The following ANKRD11 variants were observed in gnomAD, a reference collection of about 807,000 sequenced individuals.
ANKRD11 encodes ankyrin repeat domain 11.
ANKRD11 carries 17 observed loss-of-function variants against 195.7 expected under a neutral mutation model. The ratio of observed to expected loss-of-function variants is 0.09; its 90% CI spans 0.06 to 0.13. ANKRD11 has a LOEUF of 0.13. ANKRD11 is among the 10% of genes least tolerant of loss of function. The pLI is 1.00. For synonymous variants in ANKRD11, 1,953 were observed against 1,528.1 expected, an observed-to-expected ratio of 1.28 and a Z score of -6.49; for missense variants, 3,735 against 3,566.1, an observed-to-expected ratio of 1.05 and a Z score of -1.21.
chr16:89,481,884 T>C (rs2057455960), intron 1 of ANKRD11, among the ~76,000 whole-genome samples: 1 of 151,896 alleles, frequency 6.6e-6, no homozygotes, highest in Non-Finnish European at 1.5e-5. Flanking sequence ...GACATTCTAC[T>C]GATTCTTTTT....
chr16:89,304,524 GCA>G (rs200751467), intron 4 of ANKRD11, among the ~76,000 whole-genome samples: 2,735 of 148,952 alleles, frequency 0.018, 32 homozygotes, highest in Middle Eastern at 0.065. Flanking sequence ...ACACATACAG[GCA>G]CACACATGGG....
intron 2 of ANKRD11, among the ~76,000 whole-genome samples, chr16:89,374,203 A>G (rs1414878118): frequency 4.6e-5 from 7 of 152,210 alleles, no homozygotes; most frequent in Non-Finnish European, 1.0e-4. Context: ...CATTAATATC[A>G]GACTTCAAAG....
At chr16:89,336,475 G>A (rs564100525) in intron 2 of ANKRD11, among the ~76,000 whole-genome samples, 1 of 152,234 alleles carries the variant, frequency 6.6e-6, no homozygotes, top group Non-Finnish European at 1.5e-5. Flanking sequence ...GGGGCCAGAC[G>A]GAGTCCAGGA....
At chr16:89,314,741 G>A (rs570932948) in intron 3 of ANKRD11, among the ~76,000 whole-genome samples, 12 of 152,296 alleles carry the variant, frequency 7.9e-5, no homozygotes, top group African/African-American at 2.6e-4. Context: ...ACAGAGAACA[G>A]GAGTGACAGG....
intron 9 of ANKRD11, among the ~76,000 whole-genome samples, chr16:89,276,850 G>A (rs2033697974): frequency 6.6e-6 from 1 of 152,184 alleles, no homozygotes; most frequent in South Asian, 2.1e-4. Context: ...AAGGTCAGGA[G>A]TTTGAGACCA....
At chr16:89,367,720 C>A (rs1458593386) in intron 2 of ANKRD11, among the ~76,000 whole-genome samples, 1 of 152,050 alleles carries the variant, frequency 6.6e-6, no homozygotes, top group Non-Finnish European at 1.5e-5. Context: ...GTGAGTACAG[C>A]TCCACGCATC....
At chr16:89,463,997 G>A (rs2056793996) in intron 1 of ANKRD11, among the ~76,000 whole-genome samples, 1 of 152,200 alleles carries the variant, frequency 6.6e-6, no homozygotes, top group East Asian at 1.9e-4. Flanking sequence ...CCAACATTTT[G>A]GGAGGGTGAG....
chr16:89,424,473 C>G (rs1049893859), intron 1 of ANKRD11, among the ~76,000 whole-genome samples: 5 of 151,454 alleles, frequency 3.3e-5, no homozygotes, highest in African/African-American at 1.2e-4. Context: ...AGAAAAAAGT[C>G]TCATTTCTGC....
At chr16:89,404,519 T>G (rs573167975) in intron 2 of ANKRD11, among the ~76,000 whole-genome samples, 3 of 152,306 alleles carry the variant, frequency 2.0e-5, no homozygotes, top group African/African-American at 7.2e-5. Context: ...GCCAACAGTT[T>G]GAAGGGTATG....
At chr16:89,286,714 C>T in intron 7 of ANKRD11, 3 of 1,267,178 alleles carry the variant, frequency 2.4e-6, no homozygotes, top group Non-Finnish European at 3.1e-6. Context: ...AATAATCTCT[C>T]CCTTGCTTGA....
chr16:89,475,639 C>T (rs2057231476), intron 1 of ANKRD11, among the ~76,000 whole-genome samples: 1 of 152,132 alleles, frequency 6.6e-6, no homozygotes, highest in African/African-American at 2.4e-5. Flanking sequence ...AGTCTGAAAA[C>T]AGTACTACAG....
chr16:89,412,921 G>A (rs978498125), intron 2 of ANKRD11, among the ~76,000 whole-genome samples: 1 of 152,188 alleles, frequency 6.6e-6, no homozygotes, highest in African/African-American at 2.4e-5. Flanking sequence ...CAGGTCAGCA[G>A]AGGTCCCAGC....
At chr16:89,357,774 G>A (rs1406773894) in intron 2 of ANKRD11, among the ~76,000 whole-genome samples, 1 of 152,218 alleles carries the variant, frequency 6.6e-6, no homozygotes, top group Non-Finnish European at 1.5e-5. Context: ...CCTGAGGGAG[G>A]AGTCTGGGAG....
intron 1 of ANKRD11, among the ~76,000 whole-genome samples, chr16:89,479,407 C>T (rs1274634402): frequency 1.7e-4 from 26 of 148,680 alleles, no homozygotes; most frequent in Admixed American, 1.5e-3. Context: ...CCGAGGCAGG[C>T]GGATCATCTG....
intron 9 of ANKRD11, among the ~76,000 whole-genome samples, chr16:89,277,106 C>G (rs950105696): frequency 7.9e-5 from 12 of 152,054 alleles, no homozygotes; most frequent in African/African-American, 2.9e-4. Context: ...CTCTAGTCCA[C>G]AGACCTCACT....
intron 1 of ANKRD11, among the ~76,000 whole-genome samples, chr16:89,483,260 T>G (rs2057501436): frequency 6.6e-6 from 1 of 152,246 alleles, no homozygotes; most frequent in African/African-American, 2.4e-5. Context: ...ACCGTACCAT[T>G]AGCTTCTACT....
intron 11 of ANKRD11, among the ~76,000 whole-genome samples, chr16:89,274,190 G>A (rs765372419): frequency 4.6e-5 from 7 of 152,178 alleles, no homozygotes; most frequent in African/African-American, 1.4e-4. Flanking sequence ...GGCCCTGGCC[G>A]CCCACATCCT....
chr16:89,454,816 C>CCTCTAGGG lies in ANKRD11; in HGVS notation c.-145+35428_-145+35429insCCCTAGAG, dbSNP rs1567828464. Among the ~76,000 whole-genome samples, 44 of 62,668 alleles carry CCTCTAGGG rather than the reference C, an allele frequency of 7.0e-4. 1 individual carries two copies. Among genetic ancestry groups the CCTCTAGGG allele is most frequent in the African/African-American group, 2.5e-3 (41 of 16,552 alleles). The allele number at this position is 62,668 out of a possible 152,430, so 41.1% of individuals were successfully genotyped here. On this transcript the variant is annotated intron_variant, in intron 1 of 12. Transcript: ENST00000301030. ...GTTCCTCAAGCTGCTCCCCTGGGTGCTTCCAGGGTTCCTCAAGCTGCTCCC... is the reference window on the plus strand; with the variant it reads ...GTTCCTCAAGCTGCTCCCCTGGGTGCCTCTAGGGTTCCAGGGTTCCTCAAGCTGCTCCC...
intron 3 of ANKRD11, chr16:89,313,244 A>G (rs2036716403): frequency 5.6e-6 from 7 of 1,244,722 alleles, no homozygotes; most frequent in Non-Finnish European, 7.3e-6. Context: ...AGACAGGGTG[A>G]CTGTGCCATG....
Sources: allele counts gnomAD v4.1 joint callset (sites outside exome capture counted in the v4.1 genomes callset), GRCh38; gene constraint gnomAD v4.1.1; transcripts MANE v1.5; gene names NCBI Gene and HGNC (gene_info 2026-07-23, HGNC 2026-07-21).